PGR: variants seen among roughly 807,000 people sequenced by gnomAD.
PGR encodes the protein nuclear receptor subfamily 3 group C member 3.
PGR carries 25 observed loss-of-function variants against 76.1 expected under a neutral mutation model. The observed-to-expected ratio is 0.33, with a 90% CI of 0.24 to 0.46. The LOEUF is 0.46. Ranked by LOEUF, PGR falls within the 20% of genes least tolerant of loss-of-function variation. PGR has a pLI of 1.00. For synonymous variants in PGR, 579 were observed against 535.0 expected (o/e 1.08, Z -1.14); for missense variants, 1,172 against 1,225.3 (o/e 0.96, Z 0.65).
At chr11:101,042,386 T>G (rs993378040) in intron 6 of PGR, among the ~76,000 whole-genome samples, 5 of 152,142 alleles carry the variant, frequency 3.3e-5, no homozygotes, top group Admixed American at 2.6e-4. Flanking sequence ...AACTTAGCAT[T>G]TGCTCAAAAG....
chr11:101,054,902 G>A (rs1036581115), intron 4 of PGR, among the ~76,000 whole-genome samples: 4 of 152,010 alleles, frequency 2.6e-5, no homozygotes, highest in African/African-American at 9.7e-5. Context: ...CCACCAGTCA[G>A]TTTAATGGGA....
At chr11:101,067,123 T>C (rs1275819603) in intron 3 of PGR, among the ~76,000 whole-genome samples, 1 of 152,166 alleles carries the variant, frequency 6.6e-6, no homozygotes, top group African/African-American at 2.4e-5. Context: ...CATCTTGCCC[T>C]TGAAGTGTGT....
At chr11:101,093,312 ATT>A (rs112288755) in intron 2 of PGR, among the ~76,000 whole-genome samples, 11 of 145,756 alleles carry the variant, frequency 7.5e-5, no homozygotes, top group Admixed American at 2.1e-4. Context: ...TTTGACTCTA[ATT>A]TTTTTTTTTT....
At chr11:101,125,841 T>G (rs989614375) in intron 2 of PGR, among the ~76,000 whole-genome samples, 166 bp downstream of exon 2, 1 of 152,204 alleles carries the variant, frequency 6.6e-6, no homozygotes, top group Non-Finnish European at 1.5e-5. Context: ...CCATTTTGAG[T>G]ATCATAAATA....
chr11:101,128,138 G>A lies in PGR; in HGVS notation c.933C>T (p.Leu311=), dbSNP rs752811872. Reference sequence around the variant, plus strand: ...TGCGGGCTGCCAATAAGGCGTGATTGAGAGGCAGGATAGGCACGTGGATGA... The same window carrying A: ...TGCGGGCTGCCAATAAGGCGTGATTAAGAGGCAGGATAGGCACGTGGATGA... ...MDFIHVPILP[L]NHALLAARTR... The change falls in exon 1 of 8, where the codon CTC becomes CTT. Residue 311 remains leucine (L), a synonymous_variant. Transcript: ENST00000325455. The A allele has an allele frequency of 1.5e-4, 247 of 1,598,382 alleles. No homozygotes were observed. Among genetic ancestry groups the A allele is most frequent in the Non-Finnish European group, 2.0e-4 (238 of 1,179,776 alleles).
At position 101,128,802 on chromosome 11, in the gene PGR, G is replaced by A; in HGVS notation, c.269C>T (p.Ala90Val). 6.2e-7 allele frequency: 1 copy of A among 1,614,176 alleles called. No homozygotes were observed. The highest frequency in any genetic ancestry group is 1.1e-5 in the South Asian group (1 of 91,088). ...LSDVEGAYSR[A>V]EATRGAGGSS... ...GCCTCCAGCACCCCTTGTAGCTTCAGCTCTGGAATATGCGCCCTCCACGTC... is the reference window on the plus strand; with the variant it reads ...GCCTCCAGCACCCCTTGTAGCTTCAACTCTGGAATATGCGCCCTCCACGTC... Residue 90 changes from alanine (A) to valine (V), a missense_variant, in exon 1 of 8, where the codon GCT (alanine) becomes GTT (valine). Physicochemically the swap from Ala to Val is moderately conservative, Grantham distance 64 (BLOSUM62 0). Around this residue, in one of 4 missense-constraint regions of PGR, gnomAD observed 893 missense variants for 785.9 expected, o/e 1.14. Coordinates refer to ENST00000325455, the MANE Select transcript of PGR (RefSeq NM_000926.4).
Position 101,032,727 on chromosome 11 carries a change from A to G in PGR, c.*6389T>C. 4.9e-6 allele frequency: 1 copy of G among 205,252 alleles called. No homozygotes were observed. The highest frequency in any genetic ancestry group is 7.5e-5 in the East Asian group (1 of 13,412). 12.7% of individuals were successfully genotyped at this position (205,252 alleles called of 1,614,324 possible). On this transcript the variant is annotated 3_prime_UTR_variant, in exon 8 of 8. Transcript: ENST00000325455. The stretch of plus-strand genomic sequence containing the variant: ...GGTAGGTGCTCCTCTTAGGTGCTCC[A>G]ATAGTTCCCTGTACTTCCTCCAGCA...
chr11:101,100,321 G>A (rs1373867878), intron 2 of PGR, among the ~76,000 whole-genome samples: 1 of 152,124 alleles, frequency 6.6e-6, no homozygotes, highest in East Asian at 1.9e-4. Context: ...TTGTAAAGAA[G>A]GACATGTTTA....
chr11:101,065,389 T>C (rs1860677650), intron 3 of PGR, among the ~76,000 whole-genome samples: 1 of 152,226 alleles, frequency 6.6e-6, no homozygotes, highest in Admixed American at 6.5e-5. Flanking sequence ...TTATATAGGA[T>C]ATTTGTTCAA....
chr11:101,056,886 A>T (rs909848973), intron 4 of PGR, among the ~76,000 whole-genome samples: 3 of 152,212 alleles, frequency 2.0e-5, no homozygotes, highest in Non-Finnish European at 4.4e-5. Flanking sequence ...ATTAAGTATA[A>T]TCACCAACGT....
At chr11:101,048,475 T>C (rs534236538) in intron 6 of PGR, among the ~76,000 whole-genome samples, 22 of 152,308 alleles carry the variant, frequency 1.4e-4, no homozygotes, top group Admixed American at 3.9e-4. Flanking sequence ...ACTATACACC[T>C]AGGCCTTATT....
At chr11:101,055,414 C>CAAAAAA (rs61303675) in intron 4 of PGR, among the ~76,000 whole-genome samples, 1 of 65,040 alleles carries the variant, frequency 1.5e-5, no homozygotes, top group Non-Finnish European at 2.6e-5. Flanking sequence ...GACTCCATCT[C>CAAAAAA]AAAAAAAAAA....
intron 2 of PGR, among the ~76,000 whole-genome samples, chr11:101,099,872 C>T (rs142697750): frequency 1.3e-5 from 2 of 152,170 alleles, no homozygotes; most frequent in Non-Finnish European, 2.9e-5. Flanking sequence ...TCTTCCCACA[C>T]GTTGGCCCTG....
intron 3 of PGR, among the ~76,000 whole-genome samples, chr11:101,075,258 G>T (rs1861083565): frequency 6.6e-6 from 1 of 152,106 alleles, no homozygotes; most frequent in Admixed American, 6.6e-5. Flanking sequence ...GGGGAAACTG[G>T]CTAGCCATAT....
chr11:101,084,585 G>A lies in PGR; in HGVS notation c.1906+7175C>T, dbSNP rs577034927. ...AGACAGGAGAATTGCTTGAACCTGGGAGGTGGAGGTTGCAGTGAGCTGAGA... is the reference window on the plus strand; with the variant it reads ...AGACAGGAGAATTGCTTGAACCTGGAAGGTGGAGGTTGCAGTGAGCTGAGA... On this transcript the variant is annotated intron_variant, in intron 3 of 7. Coordinates refer to ENST00000325455, the MANE Select transcript of PGR (RefSeq NM_000926.4). Among the ~76,000 whole-genome samples the A allele has an allele frequency of 3.3e-5, 5 of 151,858 alleles. No homozygotes were observed. In the South Asian group the frequency reaches 1.0e-3, roughly 32 times the overall value.
chr11:101,122,970 A>T (rs910245894), intron 2 of PGR, among the ~76,000 whole-genome samples: 1 of 152,152 alleles, frequency 6.6e-6, no homozygotes, highest in African/African-American at 2.4e-5. Flanking sequence ...ATGTTTCATC[A>T]CTTGGCTCAC....
intron 3 of PGR, among the ~76,000 whole-genome samples, chr11:101,088,580 C>A (rs987570970): frequency 2.0e-5 from 3 of 152,186 alleles, no homozygotes; most frequent in Non-Finnish European, 2.9e-5. Flanking sequence ...GATCCACCTG[C>A]GTTGGCCTCC....
rs899896295 is a variant in PGR at position 101,126,177 on chromosome 11, G to A, written c.1638-19C>T. 3 of 1,612,838 alleles carry A rather than the reference G, an allele frequency of 1.9e-6. No homozygotes were observed. The highest frequency in any genetic ancestry group is 2.2e-5 in the East Asian group (1 of 44,866). ...ATCCGGCCTTGAAATGCAAAACAAA[G>A]TACTCCATTTATTTTTAAGTGCACC... On this transcript the variant is annotated intron_variant, in intron 1 of 7. Coordinates refer to ENST00000325455, the MANE Select transcript of PGR (RefSeq NM_000926.4).
chr11:101,083,655 AT>A (rs1861389920), intron 3 of PGR, among the ~76,000 whole-genome samples: 1 of 152,186 alleles, frequency 6.6e-6, no homozygotes, highest in African/African-American at 2.4e-5. Context: ...GAGCTTTAAT[AT>A]TTAATGACTG....
Sources: gnomAD v4.1 joint callset for allele counts (sites outside exome capture counted in the v4.1 genomes callset) on GRCh38, gnomAD v4.1.1 for gene constraint, gnomAD v4.1.1 regional missense constraint, MANE v1.5 for transcripts, NCBI Gene and HGNC (gene_info 2026-07-23, HGNC 2026-07-21) for gene names.